EHBP1L1: variants seen among roughly 807,000 people sequenced by gnomAD.
The protein encoded by EHBP1L1 is EH domain binding protein 1 like 1, also known as EH domain-binding protein 1-like protein 1.
In EHBP1L1, 122 loss-of-function variants were observed where a neutral mutation model predicts 151.1. That is an observed-to-expected ratio of 0.81 (90% CI 0.70 to 0.94). EHBP1L1 has a LOEUF of 0.94. EHBP1L1 is among the 40% of genes least tolerant of loss of function. The pLI, the probability that EHBP1L1 is intolerant of heterozygous loss-of-function variation, is 0.00. For missense variants in EHBP1L1, 1,941 were observed against 1,959.8 expected, an observed-to-expected ratio of 0.99 and a Z score of 0.18; for synonymous variants, 878 against 810.1, an observed-to-expected ratio of 1.08 and a Z score of -1.42.
chr11:65,577,161 G>A (rs1427316769), intron 1 of EHBP1L1, among the ~76,000 whole-genome samples: 4 of 152,124 alleles, frequency 2.6e-5, no homozygotes, highest in South Asian at 2.1e-4. Flanking sequence ...AGGCCCCTGC[G>A]TCACACCCTA....
At position 65,580,108 on chromosome 11, in the gene EHBP1L1, G is replaced by A. The variant is rs1857524300; in HGVS notation, c.340G>A (p.Ala114Thr). Residue 114 changes from alanine to threonine, a missense_variant, in exon 5 of 19, where the codon GCC becomes ACC. Coordinates refer to ENST00000309295, the MANE Select transcript of EHBP1L1 (RefSeq NM_001099409.3). ...GTCTAAGGGGCAGCGGAAGGTGCTG[G>A]CCACGGCCGAGGTGGACCTGGCCCG... The part of the protein sequence containing the change: ...NESKGQRKVL[A>T]TAEVDLARHA... 6.2e-7 allele frequency: 1 copy of A among 1,613,248 alleles called. No individual in the cohort carries two copies. The highest frequency in any genetic ancestry group is 8.5e-7 in the Non-Finnish European group (1 of 1,179,660).
intron 11 of EHBP1L1, 87 bp downstream of exon 11, chr11:65,584,621 G>T (rs1474757053): frequency 6.6e-7 from 1 of 1,522,320 alleles, no homozygotes; most frequent in Non-Finnish European, 8.9e-7. Flanking sequence ...GTGGACTGCC[G>T]GGCCCAGCAG....
rs1441602858 is a variant in EHBP1L1 at position 65,581,815 on chromosome 11, G to A, written c.1143G>A (p.Met381Ile). The A allele has an allele frequency of 2.5e-6, 4 of 1,613,614 alleles. No homozygotes were observed. In the Admixed American group the frequency reaches 6.7e-5, roughly 27 times the overall value. The change falls in exon 9 of 19, where the codon ATG becomes ATA. Residue 381 changes from methionine to isoleucine, a missense_variant. Physicochemically the swap from Met to Ile is conservative, Grantham distance 10. Transcript: ENST00000309295. ...FGRQRLKAEEMDTEDRPEASG... is the reference protein window; with the variant it reads ...FGRQRLKAEEIDTEDRPEASG... The stretch of plus-strand genomic sequence containing the variant: ...GGCAGAGACTCAAGGCTGAAGAGAT[G>A]GACACTGAGGACAGGCCAGAGGCCA...
At chr11:65,581,408 C>G (rs967637456) in intron 8 of EHBP1L1, 35 bp downstream of exon 8, 2 of 1,499,228 alleles carry the variant, frequency 1.3e-6, no homozygotes, top group Non-Finnish European at 1.8e-6. Flanking sequence ...CCCCATTGCC[C>G]CCTGATAGGA....
chr11:65,584,155 G>C (rs553801031), intron 9 of EHBP1L1, 86 bp from the exon 10 acceptor site: 101 of 1,546,176 alleles, frequency 6.5e-5, no homozygotes, highest in Non-Finnish European at 8.6e-5. Flanking sequence ...AGATGGGGCT[G>C]TTGTGTGCCA....
rs1020615584 is a variant in EHBP1L1, at chr11:65,592,346, T to TCCG, written c.*53_*55dup. The TCCG allele has an allele frequency of 6.1e-5, 81 of 1,326,288 alleles. No individual in the cohort carries two copies. In the South Asian group the frequency reaches 7.3e-4, roughly 12 times the overall value. The allele number at this position is 1,326,288 out of a possible 1,614,324, so 82.2% of individuals were successfully genotyped here. A position where few individuals can be genotyped will look rare whatever the true frequency, so the allele number is the denominator to read the frequency against. Reference sequence around the variant, plus strand: ...CCCATAACTTCTCGCGTCCCCGGCGTCCGCCGCCGCCCCGGGCCTGCGCTG... The same window carrying TCCG: ...CCCATAACTTCTCGCGTCCCCGGCGTCCGCCGCCGCCGCCCCGGGCCTGCGCTG... On this transcript the variant is annotated 3_prime_UTR_variant, in exon 19 of 19. Transcript: ENST00000309295.
chr11:65,589,622 G>A lies in EHBP1L1; in HGVS notation c.3934-129G>A, dbSNP rs957373553. The A allele has an allele frequency of 3.6e-6, 5 of 1,389,118 alleles. No homozygotes were observed. The East Asian group carries it at 7.6e-5, about 21-fold the overall frequency. 86.0% of individuals were successfully genotyped at this position (1,389,118 alleles called of 1,614,324 possible). ...GGGTTCTGTGCATGCAGGACTAGAG[G>A]AGGGGCAGGGGCGGGCAGGAGCTGG... On this transcript the variant is annotated intron_variant, in intron 12 of 18. Coordinates refer to ENST00000309295, the MANE Select transcript of EHBP1L1 (RefSeq NM_001099409.3).
At chr11:65,576,591 A>G (rs1299976243) in intron 1 of EHBP1L1, among the ~76,000 whole-genome samples, 185 bp downstream of exon 1, 1 of 151,978 alleles carries the variant, frequency 6.6e-6, no homozygotes, top group African/African-American at 2.4e-5. Flanking sequence ...GGACCCCTGG[A>G]GTTGGGGGCG....
In EHBP1L1 at chr11:65,581,393, T is replaced by C; in HGVS notation, c.866+20T>C. The stretch of plus-strand genomic sequence containing the variant: ...GATGAGGTGAGCTTTGGAACCAGCC[T>C]CACCCCCCATTGCCCCCTGATAGGA... On this transcript the variant is annotated intron_variant, in intron 8 of 18. Transcript: ENST00000309295. The C allele has an allele frequency of 4.0e-6, 6 of 1,516,172 alleles. No homozygotes were observed. Among genetic ancestry groups the C allele is most frequent in the Middle Eastern group, 1.8e-4 (1 of 5,684 alleles). 93.9% of individuals were successfully genotyped at this position (1,516,172 alleles called of 1,614,324 possible). A position where few individuals can be genotyped will look rare whatever the true frequency, so the allele number is the denominator to read the frequency against.
intron 8 of EHBP1L1, 22 bp from the exon 9 acceptor site, chr11:65,581,517 C>T (rs1397945203): frequency 1.4e-6 from 2 of 1,462,062 alleles, no homozygotes; most frequent in East Asian, 2.4e-5. Flanking sequence ...CCCCCCAACT[C>T]CCCCTCCTGC....
At chr11:65,578,427 C>T (rs1229099157) in intron 1 of EHBP1L1, 1 of 152,990 alleles carries the variant, frequency 6.5e-6, no homozygotes, top group African/African-American at 2.4e-5. Context: ...CAGATCCTCA[C>T]ACAGCCCATC....
In EHBP1L1 at chr11:65,585,502, C is replaced by G. The variant is rs775103367; in HGVS notation, c.3844C>G (p.Leu1282Val). The change falls in exon 12 of 19, where the codon CTG becomes GTG. Residue 1282 changes from leucine (L) to valine (V), a missense_variant. Physicochemically the swap from Leu to Val is conservative, Grantham distance 32. Coordinates refer to ENST00000309295, the MANE Select transcript of EHBP1L1 (RefSeq NM_001099409.3). This position sits in a 1 kb window ranked among gnomAD's most constrained non-coding sequence, Gnocchi z 4.0. ...GSFSHVRDAD[L>V]LKKRRSRLRN... ...CTTCTCCCACGTGCGCGACGCGGAC[C>G]TGCTCAAGAAGAGGCGCTCGCGGCT... 7.0e-6 allele frequency: 11 copies of G among 1,560,742 alleles called. No individual in the cohort carries two copies. Among genetic ancestry groups the G allele is most frequent in the Non-Finnish European group, 8.6e-6 (10 of 1,160,082 alleles).
chr11:65,591,763 G>GCCC, intron 16 of EHBP1L1, 37 bp from the exon 17 acceptor site: 1 of 1,128,586 alleles, frequency 8.9e-7, no homozygotes, highest in South Asian at 1.3e-5. Context: ...TTCCTGAACT[G>GCCC]CCACCCCCCC....
chr11:65,590,323 G>A lies in EHBP1L1; in HGVS notation c.4183+113G>A, dbSNP rs574790727. 1,047 of 1,533,802 alleles carry A rather than the reference G, an allele frequency of 6.8e-4. 1 individual carries two copies. The highest frequency in any genetic ancestry group is 1.0e-3 in the Admixed American group (53 of 51,030). The stretch of plus-strand genomic sequence containing the variant: ...GGGAGGAGGCACGGCTGGCATCAGC[G>A]TTCCCATTTTACAGCCAGGCATGCT... On this transcript the variant is annotated intron_variant, in intron 15 of 18. Transcript: ENST00000309295.
Position 65,576,218 on chromosome 11 carries a change from G to T in EHBP1L1, c.-85G>T, listed in dbSNP as rs1857315276. ...ACGGACGGGGCGGGCGGCGCGGACA[G>T]GCCATGGGGACCCGGGCCGGGCCAG... On this transcript the variant is annotated 5_prime_UTR_variant, in exon 1 of 19. In the 5' UTR this introduces an upstream ATG that the reference lacks. Transcript: ENST00000309295. The T allele has an allele frequency of 7.8e-7, 1 of 1,287,724 alleles. No homozygotes were observed. The highest frequency in any genetic ancestry group is 2.8e-5 in the East Asian group (1 of 35,566). 79.8% of individuals were successfully genotyped at this position (1,287,724 alleles called of 1,614,324 possible).
chr11:65,582,191 GA>G lies in EHBP1L1; in HGVS notation c.1520del (p.Glu507GlyfsTer5). 1 of 1,554,282 alleles carries G rather than the reference GA, an allele frequency of 6.4e-7. No homozygotes were observed. On this transcript the variant is annotated frameshift_variant, in exon 9 of 19. Transcript: ENST00000309295. LOFTEE classifies it high-confidence loss of function. Reference protein sequence around the residue: ...GARAAAGQEREGAEVRGGAPG... With the variant: ...GARAAAGQERXGAEVRGGAPG... ...CAGGGCTGCTGCAGGCCAGGAGAGA[GA>G]GGGTGCAGAAGTGAGGGGTGGAGCA... is the stretch of plus-strand genomic sequence containing the variant.
At position 65,584,476 on chromosome 11, in the gene EHBP1L1, C is replaced by G. The variant is rs760945681; in HGVS notation, c.3252-10C>G. ...GTGGACCCAGCCTCTGACCAGCACA[C>G]TCTCTGCAGTGACTATGCCTCGCTA... is the stretch of plus-strand genomic sequence containing the variant. On this transcript the variant is annotated splice_polypyrimidine_tract_variant and intron_variant, in intron 10 of 18. Coordinates refer to ENST00000309295, the MANE Select transcript of EHBP1L1 (RefSeq NM_001099409.3). 1 of 1,613,462 alleles carries G rather than the reference C, an allele frequency of 6.2e-7. No homozygotes were observed. The highest frequency in any genetic ancestry group is 2.2e-5 in the East Asian group (1 of 44,846).
At chr11:65,587,584 C>A (rs1036143448) in intron 12 of EHBP1L1, among the ~76,000 whole-genome samples, 1 of 152,170 alleles carries the variant, frequency 6.6e-6, no homozygotes, top group Non-Finnish European at 1.5e-5. Context: ...GGCATTGAGG[C>A]CCCCTGCAAG....
At chr11:65,580,843 C>A in intron 6 of EHBP1L1, 2 of 1,256,588 alleles carry the variant, frequency 1.6e-6, no homozygotes, top group South Asian at 1.7e-5. Flanking sequence ...TTCCTCCCTG[C>A]TGCTTGTCCA....
Sources: allele counts gnomAD v4.1 joint callset (sites outside exome capture counted in the v4.1 genomes callset), GRCh38; gene constraint gnomAD v4.1.1; non-coding constraint Gnocchi (gnomAD v3.1); transcripts MANE v1.5; gene names NCBI Gene and HGNC (gene_info 2026-07-23, HGNC 2026-07-21).